Variants in LYRM7 observed in about 807,000 individuals in gnomAD.
The protein encoded by LYRM7 is LYR motif containing 7.
LYRM7 carries 9 observed loss-of-function variants against 15.8 expected under a neutral mutation model. The ratio of observed to expected loss-of-function variants is 0.57; its 90% CI spans 0.34 to 0.99. The LOEUF is 0.99. Among genes scored for constraint, LYRM7 ranks in the 50% least tolerant of loss-of-function variants. The pLI is 0.02. For missense variants in LYRM7, 115 were observed against 119.1 expected, an observed-to-expected ratio of 0.97 and a Z score of 0.16; for synonymous variants, 39 against 39.4, an observed-to-expected ratio of 0.99 and a Z score of 0.04.
In LYRM7 at chr5:131,204,801, CTT is replaced by C. The variant is rs1756147941; in HGVS notation, c.*5204_*5205del. On this transcript the variant is annotated 3_prime_UTR_variant, in exon 5 of 5. Coordinates refer to ENST00000379380, the MANE Select transcript of LYRM7 (RefSeq NM_181705.4). ...AGAAATTCACTTATATACAAGAAAA[CTT>C]TTTGTGTACATATTTGCATATATAT... 1 of 151,218 alleles carries C rather than the reference CTT, an allele frequency of 6.6e-6. No homozygotes were observed. The highest frequency in any genetic ancestry group is 1.5e-5 in the Non-Finnish European group (1 of 67,906). The allele number at this position is 151,218 out of a possible 1,614,324, so 9.4% of individuals were successfully genotyped here. A position where few individuals can be genotyped will look rare whatever the true frequency, so the allele number is the denominator to read the frequency against.
intron 4 of LYRM7, among the ~76,000 whole-genome samples, chr5:131,187,677 G>A (rs752234540): frequency 1.3e-5 from 2 of 151,712 alleles, no homozygotes; most frequent in African/African-American, 2.4e-5. Context: ...ATAGAAACAG[G>A]GTTTTACTTT....
chr5:131,191,031 T>C (rs1262682769), intron 4 of LYRM7, among the ~76,000 whole-genome samples: 1 of 152,050 alleles, frequency 6.6e-6, no homozygotes, highest in Non-Finnish European at 1.5e-5. Context: ...CTATTGAATA[T>C]TATTTAGATT....
intron 1 of LYRM7, among the ~76,000 whole-genome samples, chr5:131,171,379 T>G (rs936750348): frequency 5.9e-5 from 9 of 152,104 alleles, no homozygotes; most frequent in African/African-American, 1.9e-4. Context: ...CTGGGAAGTA[T>G]AGGAGACGCC....
intron 4 of LYRM7, 60 bp downstream of exon 4, chr5:131,187,169 T>C: frequency 1.1e-6 from 1 of 921,362 alleles, no homozygotes. Context: ...TATTGAATAA[T>C]TATAGCACAT....
intron 4 of LYRM7, among the ~76,000 whole-genome samples, chr5:131,193,080 G>A (rs988592016): frequency 2.6e-5 from 4 of 152,060 alleles, no homozygotes; most frequent in Non-Finnish European, 5.9e-5. Flanking sequence ...AGAAAAAATA[G>A]GGATGTACTT....
rs763550802 is a variant in LYRM7 at position 131,199,649 on chromosome 5, A to G, written c.*48A>G. Reference sequence around the variant, plus strand: ...TTTGTACTTTTTAACTTTAAAATCTACAACTCTGGCAAAAGTCCTGGAAAT... The same window carrying G: ...TTTGTACTTTTTAACTTTAAAATCTGCAACTCTGGCAAAAGTCCTGGAAAT... On this transcript the variant is annotated 3_prime_UTR_variant, in exon 5 of 5. Coordinates refer to ENST00000379380, the MANE Select transcript of LYRM7 (RefSeq NM_181705.4). 7.3e-7 allele frequency: 1 copy of G among 1,371,556 alleles called. No individual in the cohort carries two copies. Among genetic ancestry groups the G allele is most frequent in the South Asian group, 1.4e-5 (1 of 73,118 alleles). 85.0% of individuals were successfully genotyped at this position (1,371,556 alleles called of 1,614,324 possible).
intron 4 of LYRM7, among the ~76,000 whole-genome samples, chr5:131,194,497 CT>C (rs1211694119): frequency 6.6e-6 from 1 of 152,170 alleles, no homozygotes; most frequent in African/African-American, 2.4e-5. Flanking sequence ...ATTTAAGTTC[CT>C]CTGTTTCCTT....
At chr5:131,180,674 T>C (rs1755676822) in intron 2 of LYRM7, among the ~76,000 whole-genome samples, 1 of 152,214 alleles carries the variant, frequency 6.6e-6, no homozygotes, top group South Asian at 2.1e-4. Flanking sequence ...CTCATACATT[T>C]ATGAACCTCC....
chr5:131,182,374 G>T, intron 3 of LYRM7, 75 bp downstream of exon 3: 1 of 1,199,304 alleles, frequency 8.3e-7, no homozygotes, highest in South Asian at 1.6e-5. Context: ...AGATAGAGGG[G>T]TTATGTAAAA....
chr5:131,181,147 C>T (rs1022049669), intron 2 of LYRM7, among the ~76,000 whole-genome samples: 9 of 148,412 alleles, frequency 6.1e-5, no homozygotes, highest in Admixed American at 5.5e-4. Flanking sequence ...AAAAATTAGC[C>T]GGGCATGGTG....
intron 1 of LYRM7, among the ~76,000 whole-genome samples, chr5:131,177,588 A>T (rs1181380635): frequency 6.6e-6 from 1 of 152,168 alleles, no homozygotes; most frequent in Non-Finnish European, 1.5e-5. Flanking sequence ...ATCAGGTACC[A>T]TTCTGATTTT....
In LYRM7 at chr5:131,205,065, C is replaced by T. The variant is rs1017124678; in HGVS notation, c.*5464C>T. 2.6e-5 allele frequency: 4 copies of T among 152,098 alleles called. No individual in the cohort carries two copies. The East Asian group carries it at 7.5e-4, about 29-fold the overall frequency. 9.4% of individuals were successfully genotyped at this position (152,098 alleles called of 1,614,324 possible). A position where few individuals can be genotyped will look rare whatever the true frequency, so the allele number is the denominator to read the frequency against. ...GCAAATAATATAGCACACTCATGAA[C>T]CTAATTCCCACATTTGATAGTTGTT... On this transcript the variant is annotated 3_prime_UTR_variant, in exon 5 of 5. Transcript: ENST00000379380.
Position 131,204,742 on chromosome 5 carries a change from T to G in LYRM7, c.*5141T>G, listed in dbSNP as rs868693520. On this transcript the variant is annotated 3_prime_UTR_variant, in exon 5 of 5. Coordinates refer to ENST00000379380, the MANE Select transcript of LYRM7 (RefSeq NM_181705.4). Reference sequence around the variant, plus strand: ...AGCATTTCAGAAAACGGATGTTCATTTGTGTGTGTGTGTGTGTGTAAGCAG... The same window carrying G: ...AGCATTTCAGAAAACGGATGTTCATGTGTGTGTGTGTGTGTGTGTAAGCAG... 2.6e-3 allele frequency: 387 copies of G among 149,978 alleles called. 4 individuals are homozygous for G. The highest frequency in any genetic ancestry group is 9.0e-3 in the African/African-American group (367 of 40,988). The allele number at this position is 149,978 out of a possible 1,614,324, so 9.3% of individuals were successfully genotyped here. A position where few individuals can be genotyped will look rare whatever the true frequency, so the allele number is the denominator to read the frequency against.
chr5:131,180,291 C>A (rs1755670852), intron 2 of LYRM7, 124 bp downstream of exon 2: 2 of 565,832 alleles, frequency 3.5e-6, no homozygotes, highest in East Asian at 3.2e-5. Flanking sequence ...TCTCTGATAT[C>A]TTTTATAAAG....
chr5:131,181,381 A>AAACATATATATGT (rs1755700513), intron 2 of LYRM7, among the ~76,000 whole-genome samples: 1 of 76,474 alleles, frequency 1.3e-5, no homozygotes, highest in Non-Finnish European at 2.2e-5. Flanking sequence ...ATGTATATAT[A>AAACATATATATGT]ATATATACAT....
At chr5:131,185,745 A>T (rs1185695495) in intron 3 of LYRM7, among the ~76,000 whole-genome samples, 1 of 152,178 alleles carries the variant, frequency 6.6e-6, no homozygotes, top group African/African-American at 2.4e-5. Flanking sequence ...GTGAGTTATG[A>T]TTACACCACT....
chr5:131,173,757 A>G (rs1338563957), intron 1 of LYRM7, among the ~76,000 whole-genome samples: 1 of 152,226 alleles, frequency 6.6e-6, no homozygotes, highest in African/African-American at 2.4e-5. Flanking sequence ...CTCAAAAAAT[A>G]AAAAATAAGG....
chr5:131,188,924 A>G (rs1755839512), intron 4 of LYRM7, among the ~76,000 whole-genome samples: 1 of 151,968 alleles, frequency 6.6e-6, no homozygotes, highest in African/African-American at 2.4e-5. Flanking sequence ...AGGCGGGTGG[A>G]TCACTTGAGG....
chr5:131,177,990 G>C (rs1755628009), intron 1 of LYRM7, among the ~76,000 whole-genome samples: 1 of 151,980 alleles, frequency 6.6e-6, no homozygotes, highest in Non-Finnish European at 1.5e-5. Context: ...AGAGCTTTTG[G>C]GAGTTTTTGG....
Sources: allele counts gnomAD v4.1 joint callset (sites outside exome capture counted in the v4.1 genomes callset), GRCh38; gene constraint gnomAD v4.1.1; transcripts MANE v1.5; gene names NCBI Gene and HGNC (gene_info 2026-07-23, HGNC 2026-07-21).